Variants in AHCYL2 observed in about 807,000 individuals in gnomAD.
The protein encoded by AHCYL2 is S-adenosylhomocysteine hydrolase-like protein 2.
In AHCYL2, 28 loss-of-function variants were observed where a neutral mutation model predicts 81.4. That is an observed-to-expected ratio of 0.34 (90% CI 0.25 to 0.47). The LOEUF is 0.47. AHCYL2 is among the 20% of genes least tolerant of loss of function. The pLI is 1.00. For synonymous variants in AHCYL2, 272 were observed against 290.2 expected (o/e 0.94, Z 0.64); for missense variants, 551 against 785.1 (o/e 0.70, Z 3.56).
In AHCYL2 at chr7:129,368,483, C is replaced by G. The variant is rs1190246306; in HGVS notation, c.364-11155C>G. 6.2e-7 allele frequency: 1 copy of G among 1,613,970 alleles called. No homozygotes were observed. The highest frequency in any genetic ancestry group is 8.5e-7 in the Non-Finnish European group (1 of 1,179,868). On this transcript the variant is annotated intron_variant, in intron 1 of 16. Coordinates refer to ENST00000325006, the MANE Select transcript of AHCYL2 (RefSeq NM_015328.4). This position sits in a 1 kb window ranked among gnomAD's most constrained non-coding sequence, Gnocchi z 4.4. Reference sequence around the variant, plus strand: ...CTTTTGCTTCAGGACATATCTTACCCAAGCCTGCACTATGGAGAAGTGGGA... The same window carrying G: ...CTTTTGCTTCAGGACATATCTTACCGAAGCCTGCACTATGGAGAAGTGGGA...
intron 1 of AHCYL2, among the ~76,000 whole-genome samples, chr7:129,377,135 G>A (rs190864835): frequency 1.3e-4 from 20 of 152,300 alleles, no homozygotes; most frequent in African/African-American, 4.6e-4. Context: ...AAGAATCACA[G>A]CTTCTCCCTT....
At chr7:129,305,872 C>A (rs889010363) in intron 1 of AHCYL2, among the ~76,000 whole-genome samples, 1 of 152,170 alleles carries the variant, frequency 6.6e-6, no homozygotes, top group African/African-American at 2.4e-5. Context: ...ATATACTGTT[C>A]TAGGATAAAA....
Position 129,272,538 on chromosome 7 carries a change from C to G in AHCYL2, c.363+47099C>G, listed in dbSNP as rs999337411. Among the ~76,000 whole-genome samples the G allele has an allele frequency of 7.2e-5, 11 of 152,058 alleles. 1 individual carries two copies. Among genetic ancestry groups the G allele is most frequent in the Admixed American group, 6.5e-4 (10 of 15,270 alleles). ...TTGGTGAGGGTTAAAGATGGAGGGA[C>G]CTTGAGAAGACAGTGAAGGCTTGAA... On this transcript the variant is annotated intron_variant, in intron 1 of 16. Transcript: ENST00000325006.
chr7:129,347,615 C>G (rs1233178639), intron 1 of AHCYL2, among the ~76,000 whole-genome samples: 1 of 152,006 alleles, frequency 6.6e-6, no homozygotes, highest in Non-Finnish European at 1.5e-5. Flanking sequence ...GTTTTGCTTC[C>G]CTTCCTCACC....
At chr7:129,384,034 G>T (rs1795088438) in intron 2 of AHCYL2, among the ~76,000 whole-genome samples, 1 of 152,086 alleles carries the variant, frequency 6.6e-6, no homozygotes, top group Non-Finnish European at 1.5e-5. Context: ...TAATGCATAT[G>T]TTAATTATCT....
intron 1 of AHCYL2, among the ~76,000 whole-genome samples, chr7:129,329,597 G>A (rs71577871): frequency 3.3e-5 from 5 of 152,230 alleles, no homozygotes; most frequent in African/African-American, 1.2e-4. Context: ...TTTTGTGAGA[G>A]GGGAATGGGG....
In AHCYL2 at chr7:129,397,228, A is replaced by T; in HGVS notation, c.727A>T (p.Met243Leu). ...THITAQTAVL[M>L]ETLGALGAQC... ...TGCTTTGTCTTTAATACAGGTGCTT[A>T]TGGAAACTCTGGGTGCTCTGGGGGC... The change falls in exon 5 of 17, where the codon ATG becomes TTG. Residue 243 changes from methionine to leucine, a missense_variant. Around this residue, in one of 2 missense-constraint regions of AHCYL2, gnomAD observed 316 missense variants for 543.1 expected, o/e 0.58. Transcript: ENST00000325006. 3 of 1,613,916 alleles carry T rather than the reference A, an allele frequency of 1.9e-6. No homozygotes were observed. Among genetic ancestry groups the T allele is most frequent in the Non-Finnish European group, 2.5e-6 (3 of 1,179,958 alleles).
At chr7:129,421,761 G>A (rs1324487023) in intron 12 of AHCYL2, among the ~76,000 whole-genome samples, 1 of 152,152 alleles carries the variant, frequency 6.6e-6, no homozygotes, top group Non-Finnish European at 1.5e-5. Flanking sequence ...CTAAACTTTA[G>A]CATCCCATTG....
At chr7:129,394,890 A>G (rs554170176) in intron 4 of AHCYL2, among the ~76,000 whole-genome samples, 146 of 152,338 alleles carry the variant, frequency 9.6e-4, no homozygotes, top group Middle Eastern at 6.8e-3. Context: ...ATAAAAAAAT[A>G]TAAATAAATA....
intron 1 of AHCYL2, among the ~76,000 whole-genome samples, chr7:129,299,222 C>T (rs1270928891): frequency 6.7e-6 from 1 of 148,866 alleles, no homozygotes; most frequent in Non-Finnish European, 1.5e-5. Context: ...ATGGGAAGAT[C>T]GCTTGAGGCT....
chr7:129,289,638 G>C lies in AHCYL2; in HGVS notation c.363+64199G>C, dbSNP rs181063913. On this transcript the variant is annotated intron_variant, in intron 1 of 16. Transcript: ENST00000325006. ...TTACCAATTTTCAGAATACTGTATTGGTTCACTAGCATTCTCCAATTAGGC... is the reference window on the plus strand; with the variant it reads ...TTACCAATTTTCAGAATACTGTATTCGTTCACTAGCATTCTCCAATTAGGC... 3.4e-3 allele frequency among the ~76,000 whole-genome samples: 520 copies of C among 152,132 alleles called. 2 individuals are homozygous for C. The highest frequency in any genetic ancestry group is 0.012 in the African/African-American group (488 of 41,494).
At chr7:129,234,910 C>T (rs1351520081) in intron 1 of AHCYL2, among the ~76,000 whole-genome samples, 1 of 152,188 alleles carries the variant, frequency 6.6e-6, no homozygotes, top group Admixed American at 6.5e-5. Flanking sequence ...TGTCCTTTGA[C>T]CTGCATATTT....
At chr7:129,261,194 T>A (rs1269615961) in intron 1 of AHCYL2, among the ~76,000 whole-genome samples, 3 of 152,246 alleles carry the variant, frequency 2.0e-5, no homozygotes, top group African/African-American at 7.2e-5. Context: ...TTCTATATGT[T>A]CAGATATTTG....
chr7:129,225,474 G>A, intron 1 of AHCYL2, 35 bp downstream of exon 1: 1 of 1,470,204 alleles, frequency 6.8e-7, no homozygotes, highest in South Asian at 1.3e-5. Context: ...AGGAGAGGAA[G>A]GGAGGGGAGG....
chr7:129,254,842 G>A lies in AHCYL2; in HGVS notation c.363+29403G>A, dbSNP rs113459566. Among the ~76,000 whole-genome samples the A allele has an allele frequency of 6.6e-3, 1,005 of 152,302 alleles. 11 individuals are homozygous for A. The highest frequency in any genetic ancestry group is 0.023 in the African/African-American group (948 of 41,562). On this transcript the variant is annotated intron_variant, in intron 1 of 16. Coordinates refer to ENST00000325006, the MANE Select transcript of AHCYL2 (RefSeq NM_015328.4). ...GGCTGTGATGGGGAAGAAGAAAAGC[G>A]TTCTGAGGTTTGAGAAAAAGTGGTG...
intron 1 of AHCYL2, among the ~76,000 whole-genome samples, chr7:129,378,309 T>TA (rs34119954): frequency 0.3 from 43,310 of 146,294 alleles, 6,271 homozygotes; most frequent in South Asian, 0.37. Context: ...AGACTCCATC[T>TA]AAAAAAAAAA....
intron 1 of AHCYL2, among the ~76,000 whole-genome samples, chr7:129,319,054 C>T (rs1307313267): frequency 1.3e-5 from 2 of 151,918 alleles, no homozygotes; most frequent in African/African-American, 2.4e-5. Context: ...ATATAAAGAA[C>T]TCTAAAAATC....
chr7:129,385,591 G>C (rs895923433), intron 2 of AHCYL2, among the ~76,000 whole-genome samples: 8 of 152,124 alleles, frequency 5.3e-5, no homozygotes, highest in African/African-American at 1.9e-4. Flanking sequence ...CGTAGAAACT[G>C]AACCCTTTTG....
At chr7:129,396,134 CTGTTT>C (rs898100258) in intron 4 of AHCYL2, among the ~76,000 whole-genome samples, 7 of 151,986 alleles carry the variant, frequency 4.6e-5, no homozygotes, top group Non-Finnish European at 7.4e-5. Context: ...TTGTTTTGTT[CTGTTT>C]TGAGACGGAG....
Sources: gnomAD v4.1 joint callset for allele counts (sites outside exome capture counted in the v4.1 genomes callset) on GRCh38, gnomAD v4.1.1 for gene constraint, gnomAD v4.1.1 regional missense constraint, Gnocchi (gnomAD v3.1) non-coding constraint, MANE v1.5 for transcripts, NCBI Gene and HGNC (gene_info 2026-07-23, HGNC 2026-07-21) for gene names.